The following ANO10 variants were observed in gnomAD, a reference collection of about 807,000 sequenced individuals.
The protein encoded by ANO10 is anoctamin 10, also known as anoctamin-10.
Under a neutral mutation model 74.7 loss-of-function variants are expected in ANO10, and 77 were observed. That is an observed-to-expected ratio of 1.03 (90% CI 0.86 to 1.25). The LOEUF is 1.25. Ranked by LOEUF, ANO10 falls within the 50% of genes most tolerant of loss-of-function variation. The probability of loss-of-function intolerance (pLI) is 0.00; values close to 1 mark genes in which losing one functional copy is unlikely to be tolerated. For missense variants in ANO10, 721 were observed against 778.1 expected (o/e 0.93, Z 0.87); for synonymous variants, 279 against 284.9 (o/e 0.98, Z 0.21).
intron 12 of ANO10, among the ~76,000 whole-genome samples, chr3:43,375,317 G>C (rs776455358): frequency 6.7e-6 from 1 of 149,372 alleles, no homozygotes; most frequent in Non-Finnish European, 1.5e-5. Context: ...GCGTGGTGGC[G>C]GGCGCCTGTA....
intron 1 of ANO10, among the ~76,000 whole-genome samples, chr3:43,628,713 C>T (rs1160796237): frequency 6.6e-6 from 1 of 151,928 alleles, no homozygotes; most frequent in Admixed American, 6.6e-5. Context: ...CTATAGATGG[C>T]CCCCCCGGGT....
intron 11 of ANO10, among the ~76,000 whole-genome samples, chr3:43,516,450 T>C (rs2077714470): frequency 6.6e-6 from 1 of 152,078 alleles, no homozygotes. Context: ...GAAGGGAGAC[T>C]AGGGACGAAA....
chr3:43,382,304 G>T (rs960785723), intron 12 of ANO10, among the ~76,000 whole-genome samples: 1 of 152,122 alleles, frequency 6.6e-6, no homozygotes, highest in Admixed American at 6.5e-5. Context: ...CGGATCACGA[G>T]GTCAGGAGAT....
intron 12 of ANO10, among the ~76,000 whole-genome samples, chr3:43,387,186 C>T (rs916993060): frequency 2.0e-5 from 3 of 152,200 alleles, no homozygotes; most frequent in Admixed American, 1.3e-4. Flanking sequence ...CGTTACTGTA[C>T]TGAACACTAT....
chr3:43,682,602 C>A (rs140648814), intron 1 of ANO10, among the ~76,000 whole-genome samples: 1 of 152,158 alleles, frequency 6.6e-6, no homozygotes, highest in Non-Finnish European at 1.5e-5. Flanking sequence ...CATCCTGATA[C>A]CAAAGCCTGG....
intron 11 of ANO10, among the ~76,000 whole-genome samples, chr3:43,480,998 A>ATTACTAATTGTATAATAATACAG (rs1339291400): frequency 6.6e-6 from 1 of 152,074 alleles, no homozygotes; most frequent in African/African-American, 2.4e-5. Flanking sequence ...TAATAATACA[A>ATTACTAATTGTATAATAATACAG]TATACTAATT....
intron 12 of ANO10, among the ~76,000 whole-genome samples, chr3:43,405,254 A>C (rs2092556250): frequency 6.6e-6 from 1 of 152,180 alleles, no homozygotes; most frequent in African/African-American, 2.4e-5. Context: ...CTGAGTCCCA[A>C]GCAATCCCAT....
intron 1 of ANO10, among the ~76,000 whole-genome samples, chr3:43,664,739 AAAG>A (rs1418941859): frequency 6.6e-6 from 1 of 152,220 alleles, no homozygotes; most frequent in African/African-American, 2.4e-5. Context: ...ACCCTTCTCA[AAAG>A]AAGATATTTA....
intron 12 of ANO10, among the ~76,000 whole-genome samples, chr3:43,419,526 AT>A (rs1435177940): frequency 2.5e-3 from 351 of 141,268 alleles, no homozygotes; most frequent in Middle Eastern, 7.3e-3. Flanking sequence ...TATTTGTTGC[AT>A]TTTTTTTTTT....
chr3:43,544,477 C>T (rs1405798255), intron 11 of ANO10, among the ~76,000 whole-genome samples: 2 of 151,766 alleles, frequency 1.3e-5, no homozygotes, highest in African/African-American at 4.8e-5. Flanking sequence ...TTCATCTGTA[C>T]TAAATCAAGC....
At chr3:43,548,351 C>A (rs2079296744) in intron 11 of ANO10, among the ~76,000 whole-genome samples, 1 of 152,210 alleles carries the variant, frequency 6.6e-6, no homozygotes, top group Admixed American at 6.5e-5. Flanking sequence ...CTCACTTCCA[C>A]AGGTCATAAA....
At chr3:43,688,389 G>A (rs1204987802) in intron 1 of ANO10, among the ~76,000 whole-genome samples, 1 of 152,162 alleles carries the variant, frequency 6.6e-6, no homozygotes, top group Non-Finnish European at 1.5e-5. Context: ...CACTACAAGT[G>A]TCTGGCAACA....
In ANO10 at chr3:43,553,132, T is replaced by C. The variant is rs184470719; in HGVS notation, c.1668+2146A>G. Among the ~76,000 whole-genome samples the C allele has an allele frequency of 2.7e-4, 41 of 152,070 alleles. 1 individual carries two copies. The highest frequency in any genetic ancestry group is 3.4e-3 in the Middle Eastern group (1 of 294). On this transcript the variant is annotated intron_variant, in intron 10 of 12. Coordinates refer to ENST00000292246, the MANE Select transcript of ANO10 (RefSeq NM_018075.5). ...GACAATACTTTAAGGACCTGAAAAA[T>C]ATTTTGCCACTTTCTTCTGGCCTCC...
rs1245285633 is a variant in ANO10 at position 43,635,620 on chromosome 3, CTTT to C, written c.-11-29760_-11-29758del. Reference sequence around the variant, plus strand: ...TTCGTATAATCTGGTAAGCTCTGATCTTTTTTTTTTTTTTTTCTGAGACGGAGT... The same window carrying C: ...TTCGTATAATCTGGTAAGCTCTGATCTTTTTTTTTTTTTCTGAGACGGAGT... On this transcript the variant is annotated intron_variant, in intron 1 of 3. Transcript: ENST00000413397. 3.6e-5 allele frequency among the ~76,000 whole-genome samples: 5 copies of C among 140,226 alleles called. No homozygotes were observed. In the South Asian group the frequency reaches 9.1e-4, roughly 26 times the overall value. 92.0% of individuals were successfully genotyped at this position (140,226 alleles called of 152,430 possible). A position where few individuals can be genotyped will look rare whatever the true frequency, so the allele number is the denominator to read the frequency against.
At chr3:43,529,603 T>C (rs2078366922) in intron 11 of ANO10, among the ~76,000 whole-genome samples, 1 of 152,146 alleles carries the variant, frequency 6.6e-6, no homozygotes, top group Non-Finnish European at 1.5e-5. Flanking sequence ...CTAAAAAACA[T>C]ATATGTAAAT....
At chr3:43,472,154 C>T (rs1357279840) in intron 11 of ANO10, among the ~76,000 whole-genome samples, 1 of 152,002 alleles carries the variant, frequency 6.6e-6, no homozygotes, top group East Asian at 1.9e-4. Context: ...AGCCTATGTA[C>T]TATATGATTC....
chr3:43,418,520 T>C (rs1206851753), intron 12 of ANO10, among the ~76,000 whole-genome samples: 2 of 152,184 alleles, frequency 1.3e-5, no homozygotes, highest in Non-Finnish European at 2.9e-5. Context: ...TATACAAAAG[T>C]AGAGAGAATA....
At position 43,519,733 on chromosome 3, in the gene ANO10, G is replaced by A. The variant is rs113572764; in HGVS notation, c.1797+29987C>T. ...GATCAGGAGAGATCATCATGGTCTC[G>A]GGCCAGGATCATGCTGATACACAGG... is the stretch of plus-strand genomic sequence containing the variant. On this transcript the variant is annotated intron_variant, in intron 11 of 12. Transcript: ENST00000292246. Among the ~76,000 whole-genome samples, 479 of 152,212 alleles carry A rather than the reference G, an allele frequency of 3.1e-3. 2 individuals carry two copies. The highest frequency in any genetic ancestry group is 0.014 in the Middle Eastern group (4 of 294).
intron 7 of ANO10, among the ~76,000 whole-genome samples, chr3:43,572,432 C>A (rs532812778): frequency 2.0e-5 from 3 of 152,286 alleles, no homozygotes; most frequent in Non-Finnish European, 4.4e-5. Flanking sequence ...GGGGCCCCTG[C>A]CACAAGGGCC....
Sources: allele counts gnomAD v4.1 joint callset (sites outside exome capture counted in the v4.1 genomes callset), GRCh38; gene constraint gnomAD v4.1.1; transcripts MANE v1.5; gene names NCBI Gene and HGNC (gene_info 2026-07-23, HGNC 2026-07-21).